The following BAIAP2 variants were observed in gnomAD, a reference collection of about 807,000 sequenced individuals.
The protein encoded by BAIAP2 is BAR/IMD domain containing adaptor protein 2, also known as BAR/IMD domain-containing adapter protein 2.
Under a neutral mutation model 63.0 loss-of-function variants are expected in BAIAP2, and 18 were observed. That is an observed-to-expected ratio of 0.29 (90% confidence interval 0.20 to 0.42). BAIAP2 has a LOEUF of 0.42. BAIAP2 is among the 10% of genes least tolerant of loss of function. The probability of loss-of-function intolerance (pLI) is 1.00; values close to 1 mark genes in which losing one functional copy is unlikely to be tolerated. For missense variants in BAIAP2, 610 were observed against 734.3 expected (o/e 0.83, Z 1.96); for synonymous variants, 386 against 307.6 (o/e 1.25, Z -2.67).
rs771466831 is a variant in BAIAP2 at position 81,099,978 on chromosome 17, C to T, written c.540C>T (p.Ser180=). Residue 180 remains serine, a synonymous_variant, in exon 7 of 14, where the codon TCC becomes TCT. Coordinates refer to ENST00000428708, the MANE Select transcript of BAIAP2 (RefSeq NM_001144888.2). ...AGGGCGAGCTGGAGAATTACGTGTCCGACGGCTACAAGACCGCACTGACAG... is the reference window on the plus strand; with the variant it reads ...AGGGCGAGCTGGAGAATTACGTGTCTGACGGCTACAAGACCGCACTGACAG... ...NKQGELENYV[S]DGYKTALTEE... The T allele has an allele frequency of 3.2e-5, 51 of 1,613,340 alleles. No individual in the cohort carries two copies. In the Middle Eastern group the frequency reaches 8.2e-4, roughly 26 times the overall value.
chr17:81,073,342 C>T (rs1261036466), intron 3 of BAIAP2, among the ~76,000 whole-genome samples: 1 of 152,082 alleles, frequency 6.6e-6, no homozygotes, highest in South Asian at 2.1e-4. Context: ...AGTACCAGGC[C>T]GGGGTGGGGA....
chr17:81,081,143 T>C (rs1202881986), intron 3 of BAIAP2, among the ~76,000 whole-genome samples: 2 of 151,950 alleles, frequency 1.3e-5, no homozygotes, highest in African/African-American at 4.8e-5. Flanking sequence ...AGCTGGGAGG[T>C]GGATCCAGGA....
At chr17:81,101,869 C>T (rs796250352) in intron 7 of BAIAP2, among the ~76,000 whole-genome samples, 6 of 152,326 alleles carry the variant, frequency 3.9e-5, no homozygotes, top group African/African-American at 1.4e-4. Context: ...AGCTGCCAGG[C>T]AGGGAGCGCT....
At chr17:81,101,116 C>G (rs373013338) in intron 7 of BAIAP2, among the ~76,000 whole-genome samples, 17 of 150,994 alleles carry the variant, frequency 1.1e-4, no homozygotes, top group African/African-American at 4.1e-4. Flanking sequence ...GGCCCTGTGT[C>G]TCCCGCTAGG....
In BAIAP2 at chr17:81,108,405, T is replaced by TACAGGCAGCGGGTGGGGGTGACC. The variant is rs2059427417; in HGVS notation, c.1501-63_1501-41dup. On this transcript the variant is annotated intron_variant, in intron 12 of 13. Coordinates refer to ENST00000428708, the MANE Select transcript of BAIAP2 (RefSeq NM_001144888.2). ...GGCAGGATCACCATTTGTGGGTGTG[T>TACAGGCAGCGGGTGGGGGTGACC]ACAGGCAGCGGGTGGGGGTGACCAC... 7 of 1,551,272 alleles carry TACAGGCAGCGGGTGGGGGTGACC rather than the reference T, an allele frequency of 4.5e-6. No individual in the cohort carries two copies. The Admixed American group carries it at 8.4e-5, about 19-fold the overall frequency.
At chr17:81,104,167 C>A in intron 9 of BAIAP2, 59 bp downstream of exon 9, 1 of 1,567,364 alleles carries the variant, frequency 6.4e-7, no homozygotes, top group Non-Finnish European at 8.7e-7. Context: ...TCAGACCCTA[C>A]AGTCATGCCA....
chr17:81,075,772 A>C (rs2053563757), intron 3 of BAIAP2, among the ~76,000 whole-genome samples: 1 of 152,174 alleles, frequency 6.6e-6, no homozygotes, highest in East Asian at 1.9e-4. Context: ...GTGGGCCTCA[A>C]GTCCTGCTCC....
intron 3 of BAIAP2, among the ~76,000 whole-genome samples, chr17:81,071,973 A>G (rs55748329): frequency 0.15 from 22,518 of 152,128 alleles, 1,886 homozygotes; most frequent in Admixed American, 0.28. Flanking sequence ...CTCGTCCGTG[A>G]TCATCCCCCC....
In BAIAP2 at chr17:81,085,591, T is replaced by TGCCTC. The variant is rs762206524; in HGVS notation, c.280-62_280-58dup. ...GTGCCCATCCGCTCTAGCCCTGCCC[T>TGCCTC]GCCTCCTGTTCCGGGTCCATGTGTT... On this transcript the variant is annotated intron_variant, in intron 4 of 13. Transcript: ENST00000428708. The TGCCTC allele has an allele frequency of 6.3e-6, 9 of 1,419,788 alleles. No homozygotes were observed. The East Asian group carries it at 6.8e-5, about 11-fold the overall frequency. 87.9% of individuals were successfully genotyped at this position (1,419,788 alleles called of 1,614,324 possible).
At chr17:81,055,554 G>A (rs568125484) in intron 2 of BAIAP2, among the ~76,000 whole-genome samples, 91 of 53,122 alleles carry the variant, frequency 1.7e-3, no homozygotes, top group African/African-American at 5.0e-3. Flanking sequence ...TTCCTCCAGC[G>A]AAAGTCTGCA....
At chr17:81,105,942 GC>G in intron 10 of BAIAP2, 135 bp from the exon 11 acceptor site, 1 of 714,006 alleles carries the variant, frequency 1.4e-6, no homozygotes, top group South Asian at 1.8e-5. Context: ...TCTCCCTGGA[GC>G]ACTGTCTCTG....
chr17:81,072,122 C>T (rs1050562357), intron 3 of BAIAP2, among the ~76,000 whole-genome samples: 3 of 152,332 alleles, frequency 2.0e-5, no homozygotes, highest in South Asian at 2.1e-4. Flanking sequence ...GTGCCCTCCC[C>T]GGCTGGCTCC....
chr17:81,104,237 T>A, intron 9 of BAIAP2, 129 bp downstream of exon 9: 1 of 1,014,004 alleles, frequency 9.9e-7, no homozygotes, highest in Non-Finnish European at 1.5e-6. Context: ...CGTGTGTACC[T>A]ACATGCATGT....
chr17:81,059,263 T>C (rs1330111709), intron 3 of BAIAP2, among the ~76,000 whole-genome samples: 1 of 152,174 alleles, frequency 6.6e-6, no homozygotes, highest in Non-Finnish European at 1.5e-5. Flanking sequence ...GAGGAGGCAC[T>C]CTGGGCGGGG....
chr17:81,053,572 G>C, intron 1 of BAIAP2, 96 bp from the exon 2 acceptor site: 2 of 1,354,802 alleles, frequency 1.5e-6, no homozygotes, highest in Admixed American at 1.7e-5. Context: ...CCCAGGAGGG[G>C]TGCCTGCTCT....
intron 3 of BAIAP2, among the ~76,000 whole-genome samples, chr17:81,060,240 G>A (rs764426377): frequency 2.6e-5 from 4 of 152,176 alleles, no homozygotes; most frequent in Non-Finnish European, 5.9e-5. Context: ...GTGGCTTAGT[G>A]TATTTACAGT....
intron 6 of BAIAP2, 71 bp from the exon 7 acceptor site, chr17:81,099,857 G>A: frequency 6.4e-7 from 1 of 1,552,268 alleles, no homozygotes; most frequent in South Asian, 1.2e-5. Flanking sequence ...GAGTCCGTGG[G>A]GCTGCCCCAA....
At chr17:81,092,133 G>T (rs1234346212) in intron 6 of BAIAP2, among the ~76,000 whole-genome samples, 1 of 152,248 alleles carries the variant, frequency 6.6e-6, no homozygotes, top group African/African-American at 2.4e-5. Context: ...CGAAGTGATT[G>T]CCGGGGTCTC....
intron 3 of BAIAP2, among the ~76,000 whole-genome samples, chr17:81,065,962 C>A (rs926713740): frequency 1.3e-5 from 2 of 152,232 alleles, no homozygotes; most frequent in African/African-American, 2.4e-5. Context: ...TGAGCGGGGC[C>A]GCAGCCCTCC....
Sources: gnomAD v4.1 joint callset for allele counts (sites outside exome capture counted in the v4.1 genomes callset) on GRCh38, gnomAD v4.1.1 for gene constraint, MANE v1.5 for transcripts, NCBI Gene and HGNC (gene_info 2026-07-23, HGNC 2026-07-21) for gene names.